Variants in TMIGD1 observed in about 807,000 individuals in gnomAD.
TMIGD1 encodes the protein transmembrane and immunoglobulin domain-containing protein 1.
Under a neutral mutation model 27.5 loss-of-function variants are expected in TMIGD1, and 29 were observed. That is an observed-to-expected ratio of 1.05 (90% CI 0.78 to 1.44). The LOEUF is 1.44. TMIGD1 is among the 40% of genes most tolerant of loss of function. TMIGD1 has a pLI of 0.00. For synonymous variants in TMIGD1, 109 were observed against 110.3 expected, an observed-to-expected ratio of 0.99 and a Z score of 0.07; for missense variants, 334 against 310.6, an observed-to-expected ratio of 1.08 and a Z score of -0.57.
intron 4 of TMIGD1, among the ~76,000 whole-genome samples, chr17:30,324,286 T>C (rs1333108063): frequency 6.6e-6 from 1 of 152,204 alleles, no homozygotes; most frequent in East Asian, 1.9e-4. Context: ...TCTGTCATTG[T>C]AGAGGTGATA....
chr17:30,326,695 C>G (rs1008258914), intron 3 of TMIGD1, among the ~76,000 whole-genome samples: 7 of 152,146 alleles, frequency 4.6e-5, no homozygotes, highest in African/African-American at 1.7e-4. Flanking sequence ...CATCCTTGTA[C>G]ATATCTCTTT....
At chr17:30,329,132 A>G in intron 3 of TMIGD1, 119 bp downstream of exon 3, 1 of 1,218,264 alleles carries the variant, frequency 8.2e-7, no homozygotes, top group Non-Finnish European at 1.2e-6. Flanking sequence ...GTACTCTCAT[A>G]CTTTGTGGTA....
At chr17:30,319,221 T>C (rs2143133508) in intron 4 of TMIGD1, among the ~76,000 whole-genome samples, 1 of 107,496 alleles carries the variant, frequency 9.3e-6, no homozygotes, top group African/African-American at 4.1e-5. Context: ...CTGGCCCACA[T>C]GGTGAAACCC....
chr17:30,328,403 A>T (rs1909858188), intron 3 of TMIGD1, among the ~76,000 whole-genome samples: 1 of 152,228 alleles, frequency 6.6e-6, no homozygotes, highest in Non-Finnish European at 1.5e-5. Flanking sequence ...AGCTTTAAAT[A>T]TATAAACATT....
At position 30,331,724 on chromosome 17, in the gene TMIGD1, A is replaced by G. The variant is rs573280671; in HGVS notation, c.82+328T>C. 2.9e-4 allele frequency among the ~76,000 whole-genome samples: 44 copies of G among 151,986 alleles called. No individual in the cohort carries two copies. The East Asian group carries it at 6.2e-3, about 21-fold the overall frequency. On this transcript the variant is annotated intron_variant, in intron 2 of 6. Coordinates refer to ENST00000328886, the MANE Select transcript of TMIGD1 (RefSeq NM_206832.3). ...CTGCCTCAGCCACCCGAGTAGCTGGAACTACAGGCGCCTGCCAGCACACCA... is the reference window on the plus strand; with the variant it reads ...CTGCCTCAGCCACCCGAGTAGCTGGGACTACAGGCGCCTGCCAGCACACCA...
chr17:30,333,837 T>C (rs1445933779), intron 1 of TMIGD1, among the ~76,000 whole-genome samples, 163 bp downstream of exon 1: 1 of 152,154 alleles, frequency 6.6e-6, no homozygotes, highest in Non-Finnish European at 1.5e-5. Context: ...AGTGCAGGCT[T>C]CTTGCCAGAC....
At chr17:30,322,106 G>A (rs1200225121) in intron 4 of TMIGD1, among the ~76,000 whole-genome samples, 1 of 152,116 alleles carries the variant, frequency 6.6e-6, no homozygotes, top group Non-Finnish European at 1.5e-5. Flanking sequence ...GGGATTACAA[G>A]CATGAACCAT....
chr17:30,324,754 A>G, intron 4 of TMIGD1, 62 bp downstream of exon 4: 1 of 1,534,188 alleles, frequency 6.5e-7, no homozygotes, highest in East Asian at 2.3e-5. Flanking sequence ...CACCAGAAAT[A>G]TTCACTGAGC....
chr17:30,316,389 GA>G lies in TMIGD1; in HGVS notation c.*297del, dbSNP rs1374498941. 1.2e-5 allele frequency: 3 copies of G among 252,608 alleles called. No homozygotes were observed. Among genetic ancestry groups the G allele is most frequent in the African/African-American group, 2.4e-5 (1 of 41,226 alleles). 15.6% of individuals were successfully genotyped at this position (252,608 alleles called of 1,614,324 possible). On this transcript the variant is annotated 3_prime_UTR_variant, in exon 7 of 7. Coordinates refer to ENST00000328886, the MANE Select transcript of TMIGD1 (RefSeq NM_206832.3). Reference sequence around the variant, plus strand: ...GTGAGACCCAAGTATCTCCTACCTAGAAAAAAAACACACTAAACAGTAAATG... The same window carrying G: ...GTGAGACCCAAGTATCTCCTACCTAGAAAAAAACACACTAAACAGTAAATG...
rs1191155622 is a variant in TMIGD1 at position 30,329,461 on chromosome 17, A to G, written c.151T>C (p.Ser51Pro). The change falls in exon 3 of 7, where the codon TCT (serine) becomes CCT (proline). Residue 51 changes from serine to proline, a missense_variant. Physicochemically the swap from Ser to Pro is moderately conservative, Grantham distance 74. Coordinates refer to ENST00000328886, the MANE Select transcript of TMIGD1 (RefSeq NM_206832.3). Reference protein sequence around the residue: ...ILDTTPGSQASLICAVQNHTR... With the variant: ...ILDTTPGSQAPLICAVQNHTR... ...TGGTTTTGAACAGCACATATCAGAG[A>G]TGCTTGGGAGCCAGGTGTAGTATCC... 6.2e-7 allele frequency: 1 copy of G among 1,614,204 alleles called. No individual in the cohort carries two copies. Among genetic ancestry groups the G allele is most frequent in the East Asian group, 2.2e-5 (1 of 44,894 alleles).
intron 4 of TMIGD1, among the ~76,000 whole-genome samples, chr17:30,319,881 C>G (rs1909560391): frequency 6.6e-6 from 1 of 152,052 alleles, no homozygotes; most frequent in East Asian, 1.9e-4. Context: ...AAGCATGAGC[C>G]TTCCCAACCT....
intron 4 of TMIGD1, among the ~76,000 whole-genome samples, chr17:30,321,204 C>T (rs532154081): frequency 2.5e-4 from 38 of 151,632 alleles, no homozygotes; most frequent in African/African-American, 9.0e-4. Flanking sequence ...GTATGTTGCC[C>T]AGGCTGGTCT....
intron 1 of TMIGD1, among the ~76,000 whole-genome samples, chr17:30,333,310 G>A (rs887366128): frequency 7.9e-5 from 12 of 151,166 alleles, no homozygotes; most frequent in Admixed American, 3.3e-4. Flanking sequence ...GCATGGTGGC[G>A]AGCGCCTGTA....
chr17:30,327,000 A>T (rs1909802335), intron 3 of TMIGD1, among the ~76,000 whole-genome samples: 1 of 151,004 alleles, frequency 6.6e-6, no homozygotes, highest in South Asian at 2.1e-4. Flanking sequence ...TTGGTTGATG[A>T]CTTTGTGTCA....
intron 3 of TMIGD1, among the ~76,000 whole-genome samples, chr17:30,329,048 G>T (rs1909884433): frequency 6.6e-6 from 1 of 150,424 alleles, no homozygotes; most frequent in Non-Finnish European, 1.5e-5. Context: ...AAAAGGAAAA[G>T]AAAATTTCAA....
chr17:30,331,556 A>G (rs1909977844), intron 2 of TMIGD1, among the ~76,000 whole-genome samples: 1 of 151,080 alleles, frequency 6.6e-6, no homozygotes, highest in Non-Finnish European at 1.5e-5. Flanking sequence ...TAATAATAAA[A>G]CCCTAAAAAC....
intron 5 of TMIGD1, 89 bp from the exon 6 acceptor site, chr17:30,317,322 G>T: frequency 7.1e-7 from 1 of 1,411,406 alleles, no homozygotes; most frequent in Non-Finnish European, 1.0e-6. Context: ...GAGGACAGGT[G>T]TGTGTCCTGT....
chr17:30,331,185 A>C (rs1348067383), intron 2 of TMIGD1, among the ~76,000 whole-genome samples: 1 of 152,212 alleles, frequency 6.6e-6, no homozygotes, highest in East Asian at 1.9e-4. Context: ...ACAAAGTGAG[A>C]CTTCTTCTCA....
intron 4 of TMIGD1, among the ~76,000 whole-genome samples, chr17:30,322,136 C>T (rs1213536189): frequency 6.6e-6 from 1 of 152,172 alleles, no homozygotes; most frequent in East Asian, 1.9e-4. Flanking sequence ...CCTGTAACTA[C>T]CTTTTTATCA....
Sources: gnomAD v4.1 joint callset for allele counts (sites outside exome capture counted in the v4.1 genomes callset) on GRCh38, gnomAD v4.1.1 for gene constraint, MANE v1.5 for transcripts, NCBI Gene and HGNC (gene_info 2026-07-23, HGNC 2026-07-21) for gene names.